PTPRD: variants seen among roughly 807,000 people sequenced by gnomAD.
PTPRD encodes the protein protein tyrosine phosphatase receptor type D, also known as receptor-type tyrosine-protein phosphatase delta.
PTPRD carries 34 observed loss-of-function variants against 214.5 expected under a neutral mutation model. The ratio of observed to expected loss-of-function variants is 0.16; its 90% CI spans 0.12 to 0.21. PTPRD has a LOEUF of 0.21. Among genes scored for constraint, PTPRD ranks in the 10% least tolerant of loss-of-function variants. PTPRD has a pLI of 1.00. For missense variants in PTPRD, 2,545 were observed against 2,398.7 expected (o/e 1.06, Z -1.27); for synonymous variants, 1,128 against 845.7 (o/e 1.33, Z -5.79).
intron 3 of PTPRD, among the ~76,000 whole-genome samples, chr9:10,306,660 C>A (rs184981905): frequency 1.3e-5 from 2 of 151,962 alleles, no homozygotes; most frequent in Non-Finnish European, 2.9e-5. Flanking sequence ...CCCAGTTTTC[C>A]ATAAGTATAT....
In PTPRD at chr9:8,314,492, G is replaced by T. The variant is rs973414276; in HGVS notation, c.*3382C>A. On this transcript the variant is annotated 3_prime_UTR_variant, in exon 46 of 46. Coordinates refer to ENST00000381196, the MANE Select transcript of PTPRD (RefSeq NM_002839.4). ...TCTATGCATCCAAAACGAGAGCAAAGAACACAACTGTTATTATCTTTGTAA... is the reference window on the plus strand; with the variant it reads ...TCTATGCATCCAAAACGAGAGCAAATAACACAACTGTTATTATCTTTGTAA... The T allele has an allele frequency of 4.3e-6, 1 of 231,616 alleles. No individual in the cohort carries two copies. The highest frequency in any genetic ancestry group is 2.2e-5 in the African/African-American group (1 of 45,194). 14.3% of individuals were successfully genotyped at this position (231,616 alleles called of 1,614,324 possible).
intron 10 of PTPRD, among the ~76,000 whole-genome samples, chr9:9,051,820 A>C (rs2099686248): frequency 1.3e-5 from 2 of 152,214 alleles, no homozygotes; most frequent in Non-Finnish European, 2.9e-5. Flanking sequence ...CATTTAAATC[A>C]AATTGTTCAG....
At chr9:8,485,409 G>A in intron 28 of PTPRD, 85 bp from the exon 29 acceptor site, 2 of 882,876 alleles carry the variant, frequency 2.3e-6, no homozygotes, top group South Asian at 1.5e-5. Context: ...AGGGGCTTAT[G>A]CTAGATGCTG....
intron 11 of PTPRD, among the ~76,000 whole-genome samples, chr9:9,008,944 G>A (rs375153945): frequency 8.4e-4 from 127 of 152,088 alleles, no homozygotes; most frequent in African/African-American, 2.9e-3. Flanking sequence ...TAAAAACAAG[G>A]GGAAAATCTG....
chr9:8,352,287 A>C (rs976897164), intron 39 of PTPRD, among the ~76,000 whole-genome samples: 1 of 152,178 alleles, frequency 6.6e-6, no homozygotes, highest in African/African-American at 2.4e-5. Context: ...GATGGATAGA[A>C]CAGGCCATTA....
intron 7 of PTPRD, among the ~76,000 whole-genome samples, chr9:9,642,743 C>T (rs16929979): frequency 0.018 from 2,750 of 152,304 alleles, 88 homozygotes; most frequent in African/African-American, 0.063. Context: ...TTTTAAGCAA[C>T]TCAAGGAACT....
chr9:10,033,134 C>T (rs2097113135), intron 4 of PTPRD, among the ~76,000 whole-genome samples: 1 of 150,702 alleles, frequency 6.6e-6, no homozygotes, highest in Non-Finnish European at 1.5e-5. Flanking sequence ...GAAACACACT[C>T]ATACACACAC....
chr9:8,832,585 A>C (rs185285688), intron 11 of PTPRD, among the ~76,000 whole-genome samples: 254 of 152,224 alleles, frequency 1.7e-3, no homozygotes, highest in African/African-American at 5.9e-3. Context: ...AGTTATGAGA[A>C]AGAGAAAATT....
At chr9:10,550,440 A>C (rs994603694) in intron 2 of PTPRD, among the ~76,000 whole-genome samples, 14 of 152,096 alleles carry the variant, frequency 9.2e-5, no homozygotes, top group African/African-American at 3.4e-4. Context: ...GAAGTGAGGG[A>C]GTAGGGAAGG....
intron 5 of PTPRD, among the ~76,000 whole-genome samples, chr9:9,830,845 T>G (rs895573831): frequency 6.6e-6 from 1 of 151,916 alleles, no homozygotes; most frequent in South Asian, 2.1e-4. Context: ...TCAAAATCTA[T>G]CCAATATATT....
chr9:9,956,551 G>C (rs566948366), intron 4 of PTPRD, among the ~76,000 whole-genome samples: 1 of 152,082 alleles, frequency 6.6e-6, no homozygotes, highest in East Asian at 1.9e-4. Flanking sequence ...TAATACAGAA[G>C]ATACATATGT....
chr9:9,946,729 G>A (rs1402785379), intron 4 of PTPRD, among the ~76,000 whole-genome samples: 2 of 152,106 alleles, frequency 1.3e-5, no homozygotes, highest in African/African-American at 2.4e-5. Context: ...ACCCTCTAAT[G>A]TAGTAACAGA....
chr9:10,038,711 A>C (rs1470231800), intron 3 of PTPRD, among the ~76,000 whole-genome samples: 2 of 152,096 alleles, frequency 1.3e-5, no homozygotes, highest in Admixed American at 6.6e-5. Context: ...CAGTTGCACA[A>C]ATCAGATAAT....
chr9:10,201,233 G>C (rs1335811091), intron 3 of PTPRD, among the ~76,000 whole-genome samples: 1 of 151,954 alleles, frequency 6.6e-6, no homozygotes, highest in Non-Finnish European at 1.5e-5. Flanking sequence ...AGTATAAAAA[G>C]CCATAAAGGT....
At chr9:9,780,951 T>C (rs1380267881) in intron 5 of PTPRD, among the ~76,000 whole-genome samples, 2 of 152,192 alleles carry the variant, frequency 1.3e-5, no homozygotes, top group Non-Finnish European at 2.9e-5. Flanking sequence ...GTGCACTGTA[T>C]ATTCCAAGTG....
At chr9:9,278,587 A>C (rs1946508299) in intron 9 of PTPRD, among the ~76,000 whole-genome samples, 1 of 151,266 alleles carries the variant, frequency 6.6e-6, no homozygotes, top group African/African-American at 2.4e-5. Context: ...AATAAGTAGG[A>C]CCTCACTCTG....
At chr9:8,522,258 T>C (rs1008334513) in intron 19 of PTPRD, among the ~76,000 whole-genome samples, 5 of 152,144 alleles carry the variant, frequency 3.3e-5, no homozygotes, top group Middle Eastern at 3.4e-3. Flanking sequence ...GCTAAGGATA[T>C]TGAAAGAATG....
At chr9:8,550,395 C>A (rs1221326788) in intron 14 of PTPRD, among the ~76,000 whole-genome samples, 1 of 152,114 alleles carries the variant, frequency 6.6e-6, no homozygotes, top group Non-Finnish European at 1.5e-5. Flanking sequence ...CTACTGCTGC[C>A]ACTACTGCTA....
At chr9:8,788,253 ATTTTTTTTT>A (rs776984034) in intron 11 of PTPRD, among the ~76,000 whole-genome samples, 3 of 85,246 alleles carry the variant, frequency 3.5e-5, no homozygotes, top group Non-Finnish European at 6.2e-5. Context: ...ATATAAGATG[ATTTTTTTTT>A]TTTTTTTTTT....
Sources: gnomAD v4.1 joint callset for allele counts (sites outside exome capture counted in the v4.1 genomes callset) on GRCh38, gnomAD v4.1.1 for gene constraint, MANE v1.5 for transcripts, NCBI Gene and HGNC (gene_info 2026-07-23, HGNC 2026-07-21) for gene names.